KCNT2: variants seen among roughly 807,000 people sequenced by gnomAD.
KCNT2 encodes potassium sodium-activated channel subfamily T member 2, also known as potassium channel subfamily T member 2.
In KCNT2, 67 loss-of-function variants were observed where a neutral mutation model predicts 153.8. That is an observed-to-expected ratio of 0.44 (90% confidence interval 0.36 to 0.53). The LOEUF (loss-of-function observed/expected upper bound fraction) is 0.53. Among genes scored for constraint, KCNT2 ranks in the 20% least tolerant of loss-of-function variants. KCNT2 has a pLI of 0.00. For missense variants in KCNT2, 975 were observed against 1,354.8 expected (o/e 0.72, Z 4.40); for synonymous variants, 500 against 458.8 (o/e 1.09, Z -1.15).
rs78523218 is a variant in KCNT2, at chr1:196,286,574, A to G, written c.2596-816T>C. On this transcript the variant is annotated intron_variant, in intron 22 of 27. Transcript: ENST00000294725. ...AGTTTCATTTCTCCACCTAACTGAT[A>G]AATTGCATCTGGTATATCAGTTTGC... Among the ~76,000 whole-genome samples the G allele has an allele frequency of 3.5e-4, 53 of 152,072 alleles. 1 individual carries two copies. In the East Asian group the frequency reaches 7.7e-3, roughly 22 times the overall value.
intron 1 of KCNT2, among the ~76,000 whole-genome samples, chr1:196,586,881 TAGG>T (rs1363554284): frequency 1.3e-5 from 2 of 152,104 alleles, no homozygotes; most frequent in Non-Finnish European, 2.9e-5. Context: ...TAAGTGCTAA[TAGG>T]AGAACAGAAC....
intron 1 of KCNT2, among the ~76,000 whole-genome samples, chr1:196,505,051 G>GT (rs537645547): frequency 0.048 from 7,294 of 152,102 alleles, 493 homozygotes; most frequent in African/African-American, 0.15. Context: ...TCACTCTGAT[G>GT]GTAGTTTCTT....
intron 5 of KCNT2, among the ~76,000 whole-genome samples, chr1:196,476,232 G>C (rs1360530997): frequency 6.6e-6 from 1 of 152,004 alleles, no homozygotes; most frequent in Non-Finnish European, 1.5e-5. Flanking sequence ...GCTAGTGGAA[G>C]GGATAGGATT....
At chr1:196,406,687 C>T (rs1352573762) in intron 12 of KCNT2, among the ~76,000 whole-genome samples, 1 of 151,246 alleles carries the variant, frequency 6.6e-6, no homozygotes, top group Non-Finnish European at 1.5e-5. Flanking sequence ...TGTCCTCCTG[C>T]CAAGTTTCAG....
At chr1:196,244,653 T>C (rs1382668246) in intron 26 of KCNT2, among the ~76,000 whole-genome samples, 1 of 152,116 alleles carries the variant, frequency 6.6e-6, no homozygotes, top group African/African-American at 2.4e-5. Context: ...GGACTTTGCC[T>C]GTGGTTTTGG....
intron 13 of KCNT2, among the ~76,000 whole-genome samples, chr1:196,384,903 C>T (rs1669833365): frequency 6.6e-6 from 1 of 151,984 alleles, no homozygotes; most frequent in African/African-American, 2.4e-5. Flanking sequence ...TTCCCTCTTC[C>T]TCCCAAATGT....
chr1:196,267,689 G>T (rs1039685145), intron 25 of KCNT2, among the ~76,000 whole-genome samples: 7 of 152,146 alleles, frequency 4.6e-5, no homozygotes, highest in African/African-American at 1.7e-4. Flanking sequence ...AACAGCAACT[G>T]CTGGTTGCAT....
At chr1:196,413,087 C>T (rs1040359513) in intron 12 of KCNT2, among the ~76,000 whole-genome samples, 4 of 151,562 alleles carry the variant, frequency 2.6e-5, no homozygotes, top group Admixed American at 6.6e-5. Context: ...GAACAGAAAG[C>T]TGATACCAGA....
intron 8 of KCNT2, among the ~76,000 whole-genome samples, chr1:196,447,323 T>A (rs936608622): frequency 6.6e-6 from 1 of 151,622 alleles, no homozygotes; most frequent in Non-Finnish European, 1.5e-5. Flanking sequence ...TTTCTTTAAG[T>A]ATTTGACATA....
intron 5 of KCNT2, 74 bp downstream of exon 5, chr1:196,479,105 A>C: frequency 1.0e-6 from 1 of 997,574 alleles, no homozygotes; most frequent in Non-Finnish European, 1.5e-6. Flanking sequence ...AGTGCGAACT[A>C]TAAATAGAGG....
intron 26 of KCNT2, among the ~76,000 whole-genome samples, chr1:196,245,325 TA>T (rs1360737296): frequency 6.6e-6 from 1 of 152,006 alleles, no homozygotes; most frequent in Non-Finnish European, 1.5e-5. Context: ...ACCCTCTCTC[TA>T]AAAAAGCCAA....
intron 1 of KCNT2, among the ~76,000 whole-genome samples, chr1:196,603,746 C>A (rs1572953818): frequency 6.6e-6 from 1 of 151,902 alleles, no homozygotes; most frequent in Non-Finnish European, 1.5e-5. Flanking sequence ...CTAGAATGGT[C>A]TTAAATAAAT....
In KCNT2 at chr1:196,342,987, C is replaced by T. The variant is rs145528450; in HGVS notation, c.1404-759G>A. The T allele has an allele frequency of 2.9e-4, 44 of 152,172 alleles. No homozygotes were observed. The East Asian group carries it at 8.1e-3, about 28-fold the overall frequency. 9.4% of individuals were successfully genotyped at this position (152,172 alleles called of 1,614,324 possible). Reference sequence around the variant, plus strand: ...GGAATTAGTGCCTTTTAAAAAGATGCTAAAGAGCTATCTTCCCGCCATGTG... The same window carrying T: ...GGAATTAGTGCCTTTTAAAAAGATGTTAAAGAGCTATCTTCCCGCCATGTG... On this transcript the variant is annotated intron_variant, in intron 14 of 27. Transcript: ENST00000294725.
intron 14 of KCNT2, among the ~76,000 whole-genome samples, chr1:196,366,509 A>G (rs1668059467): frequency 6.6e-6 from 1 of 152,078 alleles, no homozygotes; most frequent in Admixed American, 6.6e-5. Flanking sequence ...CTTGCATCTC[A>G]GAGTCTCTGC....
chr1:196,287,600 C>G (rs1659785920), intron 22 of KCNT2, among the ~76,000 whole-genome samples: 3 of 152,086 alleles, frequency 2.0e-5, no homozygotes. Flanking sequence ...CATCTGAATC[C>G]TATTGATACC....
chr1:196,369,486 C>A (rs10399726), intron 14 of KCNT2, among the ~76,000 whole-genome samples: 5,701 of 151,402 alleles, frequency 0.038, 147 homozygotes, highest in South Asian at 0.071. Context: ...TCCCCCCACC[C>A]CACAACAGTC....
chr1:196,294,607 C>T (rs975744518), intron 22 of KCNT2, among the ~76,000 whole-genome samples: 1 of 151,858 alleles, frequency 6.6e-6, no homozygotes, highest in East Asian at 1.9e-4. Flanking sequence ...TATGGAGTTT[C>T]CTCAGAAAAC....
intron 8 of KCNT2, among the ~76,000 whole-genome samples, chr1:196,433,413 A>C (rs1398021604): frequency 6.6e-6 from 1 of 152,118 alleles, no homozygotes; most frequent in African/African-American, 2.4e-5. Context: ...GTTTATATGA[A>C]ATATCCAGAG....
intron 8 of KCNT2, among the ~76,000 whole-genome samples, chr1:196,458,514 C>T (rs759536353): frequency 4.6e-5 from 7 of 151,796 alleles, no homozygotes; most frequent in Non-Finnish European, 7.4e-5. Flanking sequence ...TTATGTTACC[C>T]TCTCAAAATA....
Sources: allele counts gnomAD v4.1 joint callset (sites outside exome capture counted in the v4.1 genomes callset), GRCh38; gene constraint gnomAD v4.1.1; transcripts MANE v1.5; gene names NCBI Gene and HGNC (gene_info 2026-07-23, HGNC 2026-07-21).